The following XK variants were observed in gnomAD, a reference collection of about 807,000 sequenced individuals.
XK encodes X-linked Kx blood group antigen, Kell and VPS13A binding protein.
XK carries 2 observed loss-of-function variants against 14.0 expected under a neutral mutation model. That is an observed-to-expected ratio of 0.14 (90% CI 0.06 to 0.45). XK has a LOEUF of 0.45. XK is among the 20% of genes least tolerant of loss of function. The pLI is 0.98. For synonymous variants in XK, 149 were observed against 147.5 expected (o/e 1.01, Z -0.08); for missense variants, 235 against 341.5 (o/e 0.69, Z 2.46).
intron 2 of XK, among the ~76,000 whole-genome samples, chrX:37,721,960 CTATTA>C (rs1352070482): frequency 9.0e-6 from 1 of 110,950 alleles, no homozygotes; most frequent in East Asian, 2.8e-4. Context: ...ACCACATATT[CTATTA>C]TGTTATTCAT....
chrX:37,715,229 G>A (rs1192300123), intron 2 of XK, among the ~76,000 whole-genome samples: 21 of 109,649 alleles, frequency 1.9e-4, no homozygotes, highest in African/African-American at 6.7e-4. Context: ...TCCTTTCTAA[G>A]CAATAAAATT....
At chrX:37,706,441 T>C (rs1434535678) in intron 2 of XK, among the ~76,000 whole-genome samples, 1 of 110,599 alleles carries the variant, frequency 9.0e-6, no homozygotes, top group Non-Finnish European at 1.9e-5. Flanking sequence ...ATTACATAGG[T>C]AATATTTTAG....
intron 1 of XK, among the ~76,000 whole-genome samples, chrX:37,692,526 G>A (rs1047253023): frequency 4.5e-5 from 5 of 111,532 alleles, no homozygotes; most frequent in African/African-American, 1.3e-4. Context: ...TCAGCCTCCC[G>A]AGTAGGTGAG....
chrX:37,701,835 TGGAGAGAC>T (rs28998768), intron 2 of XK, among the ~76,000 whole-genome samples: 8,602 of 110,597 alleles, frequency 0.078, 864 homozygotes, highest in African/African-American at 0.27. Flanking sequence ...CTGAGCCCTA[TGGAGAGAC>T]AGGAGAGTGC....
chrX:37,689,649 G>C (rs782516584), intron 1 of XK, among the ~76,000 whole-genome samples: 7 of 111,586 alleles, frequency 6.3e-5, no homozygotes, highest in Non-Finnish European at 9.4e-5. Context: ...GGAGGCATAG[G>C]GAGAGCACCA....
chrX:37,689,133 C>G (rs1318756825), intron 1 of XK, among the ~76,000 whole-genome samples: 1 of 111,835 alleles, frequency 8.9e-6, no homozygotes, highest in African/African-American at 3.2e-5. Context: ...AAACAACAGG[C>G]AAACCCCTTC....
chrX:37,704,538 T>TA (rs199669827), intron 2 of XK, among the ~76,000 whole-genome samples: 20 of 102,907 alleles, frequency 1.9e-4, no homozygotes, highest in South Asian at 4.4e-4. Context: ...CCACAATTCT[T>TA]AAAAAAAAAA....
intron 1 of XK, among the ~76,000 whole-genome samples, chrX:37,688,024 A>G (rs1286311952): frequency 1.1e-5 from 1 of 90,900 alleles, no homozygotes; most frequent in Non-Finnish European, 2.3e-5. Flanking sequence ...CAGGGCACTT[A>G]TCATTTCTTT....
chrX:37,695,909 C>T (rs1165402385), intron 2 of XK, among the ~76,000 whole-genome samples: 1 of 112,395 alleles, frequency 8.9e-6, no homozygotes, highest in Non-Finnish European at 1.9e-5. Flanking sequence ...TCCGTGTTCT[C>T]TAAGGAATTA....
chrX:37,707,545 C>G (rs1386194739), intron 2 of XK, among the ~76,000 whole-genome samples: 1 of 105,461 alleles, frequency 9.5e-6, no homozygotes, highest in Non-Finnish European at 1.9e-5. Flanking sequence ...GGCTGCCGGG[C>G]GGAGGGGCTC....
intron 2 of XK, among the ~76,000 whole-genome samples, chrX:37,703,738 G>A (rs1486669022): frequency 9.0e-6 from 1 of 111,303 alleles, no homozygotes; most frequent in Non-Finnish European, 1.9e-5. Context: ...TTCCTCTATT[G>A]TATCCTGAAA....
In XK at chrX:37,728,700, GTTC is replaced by G; in HGVS notation, c.*243_*245del. 1 of 408,351 alleles carries G rather than the reference GTTC, an allele frequency of 2.4e-6. No individual in the cohort carries two copies. Among genetic ancestry groups the G allele is most frequent in the East Asian group, 4.2e-5 (1 of 23,975 alleles). 33.7% of individuals were successfully genotyped at this position (408,351 alleles called of 1,213,427 possible). A position where few individuals can be genotyped will look rare whatever the true frequency, so the allele number is the denominator to read the frequency against. On this transcript the variant is annotated 3_prime_UTR_variant, in exon 3 of 3. Coordinates refer to ENST00000378616, the MANE Select transcript of XK (RefSeq NM_021083.4). Reference sequence around the variant, plus strand: ...CACAGTTCACAGGTAACCATGTTGTGTTCTTCTAGGCATTACTGGCCTTTTCAC... The same window carrying G: ...CACAGTTCACAGGTAACCATGTTGTGTTCTAGGCATTACTGGCCTTTTCAC...
intron 2 of XK, among the ~76,000 whole-genome samples, chrX:37,714,405 A>C (rs1556447355): frequency 9.0e-6 from 1 of 111,083 alleles, no homozygotes; most frequent in East Asian, 2.8e-4. Context: ...ATTCAGAAAA[A>C]AAAAGCCACT....
chrX:37,715,670 A>G (rs1310838557), intron 2 of XK, among the ~76,000 whole-genome samples: 7 of 111,791 alleles, frequency 6.3e-5, no homozygotes, highest in African/African-American at 2.3e-4. Context: ...TTATTGGCTT[A>G]CATTTCTAAC....
chrX:37,707,461 C>T (rs1468583592), intron 2 of XK, among the ~76,000 whole-genome samples: 3 of 104,480 alleles, frequency 2.9e-5, no homozygotes, highest in African/African-American at 7.2e-5. Context: ...GGGCGGCTGC[C>T]GGGCGCAGGG....
chrX:37,715,733 A>G (rs1556447688), intron 2 of XK, among the ~76,000 whole-genome samples: 1 of 112,001 alleles, frequency 8.9e-6, no homozygotes, highest in African/African-American at 3.2e-5. Context: ...AGCTATAGTC[A>G]GTATAGTATA....
At chrX:37,723,243 G>A (rs1248252453) in intron 2 of XK, among the ~76,000 whole-genome samples, 6 of 111,523 alleles carry the variant, frequency 5.4e-5, no homozygotes, top group African/African-American at 1.6e-4. Context: ...TGAAGATAAG[G>A]TTGGGAAATA....
chrX:37,723,476 C>A (rs1354614421), intron 2 of XK, among the ~76,000 whole-genome samples: 1 of 111,101 alleles, frequency 9.0e-6, no homozygotes, highest in African/African-American at 3.3e-5. Flanking sequence ...TAATTAAAGC[C>A]AATGATTTCA....
chrX:37,729,703 C>T lies in XK; in HGVS notation c.*1241C>T, dbSNP rs1311736326. 4 of 110,752 alleles carry T rather than the reference C, an allele frequency of 3.6e-5. No individual in the cohort carries two copies. Among genetic ancestry groups the T allele is most frequent in the African/African-American group, 9.9e-5 (3 of 30,422 alleles). 9.1% of individuals were successfully genotyped at this position (110,752 alleles called of 1,213,427 possible). A position where few individuals can be genotyped will look rare whatever the true frequency, so the allele number is the denominator to read the frequency against. ...ATTTCTACCATTAAAATCTTGAAAG[C>T]GAAATACTTGAAAAGAGGTGACCAT... On this transcript the variant is annotated 3_prime_UTR_variant, in exon 3 of 3. Transcript: ENST00000378616.
Sources: gnomAD v4.1 joint callset for allele counts (sites outside exome capture counted in the v4.1 genomes callset) on GRCh38, gnomAD v4.1.1 for gene constraint, MANE v1.5 for transcripts, NCBI Gene and HGNC (gene_info 2026-07-23, HGNC 2026-07-21) for gene names.